GPR137C: variants seen among roughly 807,000 people sequenced by gnomAD.
GPR137C encodes the protein G protein-coupled receptor 137C.
In GPR137C, 27 loss-of-function variants were observed where a neutral mutation model predicts 43.4. The ratio of observed to expected loss-of-function variants is 0.62; its 90% confidence interval spans 0.46 to 0.86. GPR137C has a LOEUF of 0.86. GPR137C is among the 40% of genes least tolerant of loss of function. The pLI is 0.00. For missense variants in GPR137C, 522 were observed against 534.6 expected (o/e 0.98, Z 0.23); for synonymous variants, 285 against 226.9 (o/e 1.26, Z -2.30).
intron 1 of GPR137C, among the ~76,000 whole-genome samples, chr14:52,567,038 G>T (rs1295205146): frequency 6.6e-6 from 1 of 152,108 alleles, no homozygotes; most frequent in Non-Finnish European, 1.5e-5. Flanking sequence ...ACTTGAACCC[G>T]GGAGGTGGAG....
chr14:52,567,043 G>A (rs1310573089), intron 1 of GPR137C, among the ~76,000 whole-genome samples: 4 of 152,130 alleles, frequency 2.6e-5, no homozygotes, highest in Non-Finnish European at 4.4e-5. Flanking sequence ...AACCCGGGAG[G>A]TGGAGGTTGC....
At chr14:52,600,000 C>G (rs1190271985) in intron 2 of GPR137C, 113 bp from the exon 3 acceptor site, 1 of 692,176 alleles carries the variant, frequency 1.4e-6, no homozygotes, top group African/African-American at 1.8e-5. Context: ...CTATGCCATT[C>G]ATAAACATTT....
chr14:52,616,618 T>C (rs2139560851), intron 3 of GPR137C, among the ~76,000 whole-genome samples: 1 of 152,300 alleles, frequency 6.6e-6, no homozygotes, highest in Middle Eastern at 3.4e-3. Context: ...GTCTTCCACA[T>C]GAAATTATAA....
intron 1 of GPR137C, among the ~76,000 whole-genome samples, chr14:52,597,530 C>T (rs1451210416): frequency 6.6e-6 from 1 of 152,194 alleles, no homozygotes; most frequent in Admixed American, 6.5e-5. Context: ...TTTGTAGTTC[C>T]TCTGTAGTAG....
At chr14:52,621,082 T>C (rs2039155593) in intron 3 of GPR137C, among the ~76,000 whole-genome samples, 2 of 151,840 alleles carry the variant, frequency 1.3e-5, no homozygotes, top group South Asian at 4.1e-4. Context: ...CCAATCAGGA[T>C]AAATATGAAG....
chr14:52,594,212 T>C (rs1321021235), intron 1 of GPR137C, among the ~76,000 whole-genome samples: 2 of 152,216 alleles, frequency 1.3e-5, no homozygotes, highest in African/African-American at 4.8e-5. Flanking sequence ...TTTGTGTTCT[T>C]TTACATTTGT....
At chr14:52,592,857 C>G (rs1040338624) in intron 1 of GPR137C, among the ~76,000 whole-genome samples, 46 of 152,298 alleles carry the variant, frequency 3.0e-4, no homozygotes, top group African/African-American at 1.1e-3. Context: ...GCCAGAATTT[C>G]CAACACTATG....
chr14:52,630,511 T>G (rs759203188), intron 3 of GPR137C, among the ~76,000 whole-genome samples: 2 of 152,210 alleles, frequency 1.3e-5, no homozygotes, highest in Non-Finnish European at 2.9e-5. Context: ...TTAGCCTTAA[T>G]TTTTAAGTTT....
chr14:52,554,396 C>G (rs923132689), intron 1 of GPR137C, among the ~76,000 whole-genome samples: 1 of 152,168 alleles, frequency 6.6e-6, no homozygotes, highest in East Asian at 1.9e-4. Context: ...AATCACACCC[C>G]CTTTCTCTTT....
intron 1 of GPR137C, among the ~76,000 whole-genome samples, chr14:52,597,809 C>T (rs778653608): frequency 2.0e-5 from 3 of 152,136 alleles, no homozygotes; most frequent in Non-Finnish European, 4.4e-5. Flanking sequence ...TCCTCATTAT[C>T]TTTGTGTTCA....
chr14:52,608,725 T>C (rs1181720968), intron 3 of GPR137C, among the ~76,000 whole-genome samples: 3 of 152,068 alleles, frequency 2.0e-5, no homozygotes, highest in Non-Finnish European at 2.9e-5. Flanking sequence ...TTTTTTTTTT[T>C]CCATCAGCAC....
chr14:52,571,186 T>C (rs547452640), intron 1 of GPR137C, among the ~76,000 whole-genome samples: 69 of 152,256 alleles, frequency 4.5e-4, no homozygotes, highest in African/African-American at 1.5e-3. Context: ...AGAAACTCAC[T>C]CAAAACTGCA....
intron 1 of GPR137C, among the ~76,000 whole-genome samples, chr14:52,594,148 G>A (rs1191503522): frequency 6.6e-6 from 1 of 152,064 alleles, no homozygotes; most frequent in Non-Finnish European, 1.5e-5. Context: ...TTCTGAGTGA[G>A]TTTCTTAATC....
chr14:52,615,367 T>C (rs1260828843), intron 3 of GPR137C, among the ~76,000 whole-genome samples: 1 of 152,138 alleles, frequency 6.6e-6, no homozygotes, highest in African/African-American at 2.4e-5. Flanking sequence ...CTCTGTAGTA[T>C]AATTTGAAGT....
At chr14:52,612,448 G>T (rs1182774454) in intron 3 of GPR137C, 3 of 983,130 alleles carry the variant, frequency 3.1e-6, no homozygotes, top group African/African-American at 1.7e-5. Flanking sequence ...AATCAGTTTT[G>T]TTTTGCTTTT....
intron 1 of GPR137C, among the ~76,000 whole-genome samples, chr14:52,581,932 A>G (rs757264678): frequency 7.2e-5 from 11 of 152,380 alleles, no homozygotes; most frequent in South Asian, 2.1e-4. Context: ...AGTACCTACT[A>G]TCTTCAAAGC....
At position 52,636,613 on chromosome 14, in the gene GPR137C, T is replaced by C. The variant is rs1320510057; in HGVS notation, c.*1498T>C. The C allele has an allele frequency of 1.3e-5, 2 of 152,156 alleles. No homozygotes were observed. The highest frequency in any genetic ancestry group is 2.9e-5 in the Non-Finnish European group (2 of 67,988). 9.4% of individuals were successfully genotyped at this position (152,156 alleles called of 1,614,324 possible). On this transcript the variant is annotated 3_prime_UTR_variant, in exon 7 of 7. Coordinates refer to ENST00000321662, the MANE Select transcript of GPR137C (RefSeq NM_001099652.2). ...ACTTTTTAACAACTGATACAATAAC[T>C]TCATAAAAGTATAACACTAGGTTGA...
intron 1 of GPR137C, 43 bp from the exon 2 acceptor site, chr14:52,598,229 T>C (rs2038879633): frequency 4.3e-6 from 3 of 700,974 alleles, no homozygotes; most frequent in African/African-American, 1.9e-5. Context: ...AAGAATTCTA[T>C]ATTACACGTT....
chr14:52,577,183 CAAAAAAAAAAAAAAAAAAAA>C (rs34249999), intron 1 of GPR137C, among the ~76,000 whole-genome samples: 1 of 41,148 alleles, frequency 2.4e-5, no homozygotes, highest in African/African-American at 1.0e-4. Flanking sequence ...TAAGACTCCT[CAAAAAAAAAAAAAAAAAAAA>C]AAAAAAAAAA....
Sources: allele counts gnomAD v4.1 joint callset (sites outside exome capture counted in the v4.1 genomes callset), GRCh38; gene constraint gnomAD v4.1.1; transcripts MANE v1.5; gene names NCBI Gene and HGNC (gene_info 2026-07-23, HGNC 2026-07-21).